Variants in PIK3C2A observed in about 807,000 individuals in gnomAD.
The protein encoded by PIK3C2A is phosphatidylinositol 4-phosphate 3-kinase C2 domain-containing subunit alpha.
Under a neutral mutation model 204.5 loss-of-function variants are expected in PIK3C2A, and 97 were observed. That is an observed-to-expected ratio of 0.47 (90% CI 0.40 to 0.56). PIK3C2A has a LOEUF of 0.56. PIK3C2A is among the 20% of genes least tolerant of loss of function. The pLI is 0.00. For synonymous variants in PIK3C2A, 653 were observed against 664.4 expected (o/e 0.98, Z 0.26); for missense variants, 1,735 against 1,969.2 (o/e 0.88, Z 2.25).
chr11:17,181,864 G>A lies in PIK3C2A; in HGVS notation c.-65-12058C>T, dbSNP rs578097024. 1.7e-4 allele frequency among the ~76,000 whole-genome samples: 26 copies of A among 151,984 alleles called. 1 individual carries two copies. The South Asian group carries it at 5.2e-3, about 30-fold the overall frequency. On this transcript the variant is annotated intron_variant, in intron 1 of 32. Transcript: ENST00000691414. ...CCCAGCACTTTGGGAGGCCAAGGCGGGTGGATCACTTGAGGTCAGGAGTTC... is the reference window on the plus strand; with the variant it reads ...CCCAGCACTTTGGGAGGCCAAGGCGAGTGGATCACTTGAGGTCAGGAGTTC...
intron 3 of PIK3C2A, among the ~76,000 whole-genome samples, chr11:17,152,800 C>A (rs912569911): frequency 6.6e-6 from 1 of 151,460 alleles, no homozygotes; most frequent in Non-Finnish European, 1.5e-5. Context: ...GCACAGATAA[C>A]CAAATCATGC....
At chr11:17,171,141 G>A (rs1851143056) in intron 1 of PIK3C2A, among the ~76,000 whole-genome samples, 1 of 152,140 alleles carries the variant, frequency 6.6e-6, no homozygotes, top group African/African-American at 2.4e-5. Flanking sequence ...TTGGGCAAAT[G>A]AAAACTTTTC....
intron 1 of PIK3C2A, among the ~76,000 whole-genome samples, chr11:17,178,871 A>T (rs2137518000): frequency 6.6e-6 from 1 of 151,178 alleles, no homozygotes; most frequent in African/African-American, 2.4e-5. Context: ...CTGGGACTAC[A>T]GGCGCCCGCC....
chr11:17,183,000 T>C (rs1207312673), intron 1 of PIK3C2A, among the ~76,000 whole-genome samples: 1 of 152,236 alleles, frequency 6.6e-6, no homozygotes, highest in East Asian at 1.9e-4. Flanking sequence ...TCACTATACC[T>C]GGCTAAGTTT....
rs760770477 is a variant in PIK3C2A, at chr11:17,169,109, G to T, written c.633C>A (p.Ser211Arg). The T allele has an allele frequency of 6.2e-7, 1 of 1,614,078 alleles. No homozygotes were observed. Among genetic ancestry groups the T allele is most frequent in the African/African-American group, 1.3e-5 (1 of 74,930 alleles). Residue 211 changes from serine (S) to arginine (R), a missense_variant, in exon 2 of 33, where the codon AGC becomes AGA. By Grantham distance (110) the Ser-to-Arg change is moderately radical. Around this residue, in one of 6 missense-constraint regions of PIK3C2A, gnomAD observed 536 missense variants for 546.7 expected, o/e 0.98. Transcript: ENST00000691414. The part of the protein sequence containing the change: ...TPATPFHPQG[S>R]LPIYRPVVST... ...TGACTACTGGACGATAGATAGGTAA[G>T]CTTCCTTGTGGATGAAAGGGTGTGG... is the stretch of plus-strand genomic sequence containing the variant.
intron 1 of PIK3C2A, among the ~76,000 whole-genome samples, chr11:17,195,187 G>A (rs1030838060): frequency 2.0e-5 from 3 of 152,170 alleles, no homozygotes; most frequent in Non-Finnish European, 4.4e-5. Flanking sequence ...GGCCGAGGCA[G>A]GTGGATCACG....
intron 18 of PIK3C2A, 43 bp from the exon 19 acceptor site, chr11:17,117,714 T>G (rs766891983): frequency 1.8e-6 from 2 of 1,134,566 alleles, no homozygotes; most frequent in African/African-American, 1.7e-5. Context: ...CTTGGTTTTT[T>G]TTTTTTTTTT....
chr11:17,196,778 G>A (rs1477974667), intron 1 of PIK3C2A, among the ~76,000 whole-genome samples: 2 of 152,014 alleles, frequency 1.3e-5, no homozygotes, highest in Non-Finnish European at 2.9e-5. Context: ...CACCGTGTTA[G>A]CCAGGATGGT....
At chr11:17,139,564 C>T (rs559806921) in intron 8 of PIK3C2A, among the ~76,000 whole-genome samples, 265 of 152,332 alleles carry the variant, frequency 1.7e-3, no homozygotes, top group Non-Finnish European at 2.9e-3. Context: ...TTTCCGTCTC[C>T]TGGCTGGCCC....
chr11:17,086,632 C>A lies in PIK3C2A; in HGVS notation c.*3106G>T, dbSNP rs931078395. 1 of 152,086 alleles carries A rather than the reference C, an allele frequency of 6.6e-6. No homozygotes were observed. Among genetic ancestry groups the A allele is most frequent in the Non-Finnish European group, 1.5e-5 (1 of 68,028 alleles). 9.4% of individuals were successfully genotyped at this position (152,086 alleles called of 1,614,324 possible). A position where few individuals can be genotyped will look rare whatever the true frequency, so the allele number is the denominator to read the frequency against. On this transcript the variant is annotated 3_prime_UTR_variant, in exon 33 of 33. Coordinates refer to ENST00000691414, the MANE Select transcript of PIK3C2A (RefSeq NM_002645.4). The stretch of plus-strand genomic sequence containing the variant: ...GTACAGTTATGAAGTCACATTCAAT[C>A]CACTGAATATATTCAAGGTATTAAT...
At chr11:17,101,056 T>C (rs1848609901) in intron 25 of PIK3C2A, among the ~76,000 whole-genome samples, 1 of 152,204 alleles carries the variant, frequency 6.6e-6, no homozygotes, top group Non-Finnish European at 1.5e-5. Context: ...GCCACTCTAC[T>C]GACTTATTTT....
At chr11:17,178,134 C>T (rs1216535315) in intron 1 of PIK3C2A, among the ~76,000 whole-genome samples, 1 of 143,466 alleles carries the variant, frequency 7.0e-6, no homozygotes, top group South Asian at 2.2e-4. Flanking sequence ...TTGCATGTCA[C>T]ATATAATTTA....
At chr11:17,177,240 ATAC>A (rs1217226504) in intron 1 of PIK3C2A, among the ~76,000 whole-genome samples, 1 of 152,208 alleles carries the variant, frequency 6.6e-6, no homozygotes, top group Admixed American at 6.5e-5. Flanking sequence ...GAGGTAATTA[ATAC>A]TACTATTTAG....
At chr11:17,193,955 T>G (rs533033144) in intron 1 of PIK3C2A, 4 of 326,286 alleles carry the variant, frequency 1.2e-5, no homozygotes, top group Middle Eastern at 8.8e-4. Flanking sequence ...CTCAAGGGGG[T>G]GGACCCCAAA....
Position 17,134,961 on chromosome 11 carries a change from G to GA in PIK3C2A, c.1965dup (p.Leu656SerfsTer9). ...CTACCAGAATTTGCATGGAGTCTGAGAAGATCATAAATTGCTGCAGTTAAT... is the reference window on the plus strand; with the variant it reads ...CTACCAGAATTTGCATGGAGTCTGAGAAAGATCATAAATTGCTGCAGTTAAT... On this transcript the variant is annotated frameshift_variant, in exon 11 of 33. Transcript: ENST00000691414. LOFTEE classifies it high-confidence loss of function. The GA allele has an allele frequency of 6.2e-7, 1 of 1,614,076 alleles. No homozygotes were observed. Among genetic ancestry groups the GA allele is most frequent in the Non-Finnish European group, 8.5e-7 (1 of 1,179,958 alleles).
At chr11:17,103,200 T>C (rs16924900) in intron 23 of PIK3C2A, among the ~76,000 whole-genome samples, 9,114 of 32,018 alleles carry the variant, frequency 0.28, 688 homozygotes, top group African/African-American at 0.51. Context: ...ACATGATGGA[T>C]AGAAGATTTT....
chr11:17,127,044 A>T (rs1259237122), intron 13 of PIK3C2A, among the ~76,000 whole-genome samples: 3 of 152,174 alleles, frequency 2.0e-5, no homozygotes, highest in African/African-American at 7.2e-5. Flanking sequence ...AATTTATCAA[A>T]GACAGTGGTG....
intron 1 of PIK3C2A, among the ~76,000 whole-genome samples, chr11:17,173,363 T>C (rs1434246386): frequency 2.0e-5 from 3 of 152,162 alleles, no homozygotes; most frequent in African/African-American, 4.8e-5. Flanking sequence ...CTGAAACTAT[T>C]TGGAAAGAAA....
At chr11:17,128,174 G>A (rs1849581752) in intron 13 of PIK3C2A, among the ~76,000 whole-genome samples, 1 of 151,348 alleles carries the variant, frequency 6.6e-6, no homozygotes, top group Non-Finnish European at 1.5e-5. Flanking sequence ...TAAATATATT[G>A]CCATAAGACC....
Sources: allele counts gnomAD v4.1 joint callset (sites outside exome capture counted in the v4.1 genomes callset), GRCh38; gene constraint gnomAD v4.1.1; regional missense constraint gnomAD v4.1.1; transcripts MANE v1.5; gene names NCBI Gene and HGNC (gene_info 2026-07-23, HGNC 2026-07-21).